FAM193B: variants seen among roughly 807,000 people sequenced by gnomAD.
The protein encoded by FAM193B is protein FAM193B.
FAM193B carries 27 observed loss-of-function variants against 70.7 expected under a neutral mutation model. The observed-to-expected ratio is 0.38, with a 90% CI of 0.28 to 0.53. FAM193B has a LOEUF of 0.53. Among genes scored for constraint, FAM193B ranks in the 20% least tolerant of loss-of-function variants. The pLI, the probability that FAM193B is intolerant of heterozygous loss-of-function variation, is 0.81. For synonymous variants in FAM193B, 448 were observed against 436.0 expected (o/e 1.03, Z -0.34); for missense variants, 1,022 against 1,072.5 (o/e 0.95, Z 0.66).
chr5:177,553,669 G>A (rs1268785190), intron 1 of FAM193B: 12 of 1,284,440 alleles, frequency 9.3e-6, no homozygotes, highest in Admixed American at 2.3e-5. Context: ...AGGTTCTGCT[G>A]GGTTTCCACC....
chr5:177,522,943 GACCTCAAGT>G (rs1385286697), intron 7 of FAM193B: 1 of 155,098 alleles, frequency 6.4e-6, no homozygotes, highest in African/African-American at 2.4e-5. Flanking sequence ...TAGAACTCCT[GACCTCAAGT>G]ACCTCAAGTG....
chr5:177,553,793 G>A, intron 1 of FAM193B: 2 of 1,286,980 alleles, frequency 1.6e-6, no homozygotes, highest in East Asian at 5.6e-5. Flanking sequence ...GGGGGCCGCG[G>A]CTGCAGGCGC....
chr5:177,545,110 C>A lies in FAM193B; in HGVS notation c.211-5963G>T, dbSNP rs558010891. On this transcript the variant is annotated intron_variant, in intron 1 of 8. Coordinates refer to ENST00000514747, the MANE Select transcript of FAM193B (RefSeq NM_001190946.3). ...CCAGGCTGGAGTGCAGTGGCATGAT[C>A]TCAGCTCACTGCAACCTCCACCTCC... Among the ~76,000 whole-genome samples the A allele has an allele frequency of 4.6e-5, 7 of 152,266 alleles. No individual in the cohort carries two copies. In the South Asian group the frequency reaches 1.5e-3, roughly 32 times the overall value.
chr5:177,547,853 G>A (rs963851851), intron 1 of FAM193B, among the ~76,000 whole-genome samples: 2 of 152,196 alleles, frequency 1.3e-5, no homozygotes, highest in Admixed American at 1.3e-4. Flanking sequence ...GAGAATGAAG[G>A]GGAGATGGAC....
chr5:177,537,233 A>G (rs1317178821), intron 3 of FAM193B, among the ~76,000 whole-genome samples: 1 of 152,180 alleles, frequency 6.6e-6, no homozygotes, highest in Non-Finnish European at 1.5e-5. Flanking sequence ...AAATTAATGG[A>G]ATTATATACT....
chr5:177,551,951 G>A, intron 1 of FAM193B: 1 of 859,394 alleles, frequency 1.2e-6, no homozygotes, highest in Non-Finnish European at 1.4e-6. Context: ...GTCAAAGTGG[G>A]GCATAACTAG....
rs927137705 is a variant in FAM193B, at chr5:177,524,746, G to A, written c.1735C>T (p.Pro579Ser). Reference protein sequence around the residue: ...EVRGPPPGIVPENGLVRRLNT... With the variant: ...EVRGPPPGIVSENGLVRRLNT... ...AGTCTCCTCACGAGCCCGTTCTCGG[G>A]GACGATACCGGGAGGGGGCCCCCTC... is the stretch of plus-strand genomic sequence containing the variant. The change falls in exon 6 of 9, where the codon CCC (proline) becomes TCC (serine). Residue 579 changes from proline to serine, a missense_variant. Physicochemically the swap from Pro to Ser is moderately conservative, Grantham distance 74. Transcript: ENST00000514747. 1.3e-6 allele frequency: 2 copies of A among 1,536,318 alleles called. No individual in the cohort carries two copies. The highest frequency in any genetic ancestry group is 2.1e-5 in the Admixed American group (1 of 48,276).
intron 4 of FAM193B, among the ~76,000 whole-genome samples, chr5:177,535,499 T>C (rs1483440771): frequency 1.3e-5 from 2 of 152,256 alleles, no homozygotes; most frequent in Admixed American, 6.5e-5. Context: ...CCTTTCTTAG[T>C]ACTTAAGAGT....
chr5:177,520,500 A>G (rs1046666301), intron 8 of FAM193B, among the ~76,000 whole-genome samples: 1 of 152,032 alleles, frequency 6.6e-6, no homozygotes, highest in African/African-American at 2.4e-5. Flanking sequence ...CTCTGACTGT[A>G]GGTGCACAGC....
At chr5:177,523,522 C>T (rs1357473448) in intron 7 of FAM193B, among the ~76,000 whole-genome samples, 1 of 152,162 alleles carries the variant, frequency 6.6e-6, no homozygotes, top group Non-Finnish European at 1.5e-5. Context: ...ACTTGGTTAC[C>T]ACCTCTCCTG....
In FAM193B at chr5:177,536,461, G is replaced by C. The variant is rs550308150; in HGVS notation, c.973C>G (p.Pro325Ala). 169 of 1,588,322 alleles carry C rather than the reference G, an allele frequency of 1.1e-4. No homozygotes were observed. The East Asian group carries it at 3.5e-3, about 33-fold the overall frequency. ...CAGGGGTGGCTGCACCCCGAGAATG[G>C]TGGGGGCATCTTCAGGAGCGGCATG... is the stretch of plus-strand genomic sequence containing the variant. Reference protein sequence around the residue: ...TSMPLLKMPPPFSGCSHPCSG... With the variant: ...TSMPLLKMPPAFSGCSHPCSG... Residue 325 changes from proline (P) to alanine (A), a missense_variant, in exon 4 of 9, where the codon CCA (proline) becomes GCA (alanine). Coordinates refer to ENST00000514747, the MANE Select transcript of FAM193B (RefSeq NM_001190946.3).
chr5:177,536,866 G>A (rs1581897531), intron 3 of FAM193B, 121 bp from the exon 4 acceptor site: 1 of 1,317,530 alleles, frequency 7.6e-7, no homozygotes, highest in East Asian at 2.7e-5. Flanking sequence ...TCTCAGCACA[G>A]GGGACCCTGG....
chr5:177,531,794 A>G (rs1455300301), intron 5 of FAM193B: 2 of 917,742 alleles, frequency 2.2e-6, no homozygotes, highest in African/African-American at 3.5e-5. Flanking sequence ...GGGAAGCTGT[A>G]TGACCTTGGG....
At position 177,554,243 on chromosome 5, in the gene FAM193B, T is replaced by G; in HGVS notation, c.210+6A>C. On this transcript the variant is annotated splice_donor_region_variant and intron_variant, in intron 1 of 8. Transcript: ENST00000514747. ...GAGCCGCCGAAGTCTCCCCGCTCGC[T>G]CCTACCTGCGGGCCGGGCACCAGGT... 6.7e-7 allele frequency: 1 copy of G among 1,482,012 alleles called. No individual in the cohort carries two copies. Among genetic ancestry groups the G allele is most frequent in the Non-Finnish European group, 8.9e-7 (1 of 1,120,062 alleles). 91.8% of individuals were successfully genotyped at this position (1,482,012 alleles called of 1,614,324 possible). A position where few individuals can be genotyped will look rare whatever the true frequency, so the allele number is the denominator to read the frequency against.
In FAM193B at chr5:177,523,946, C is replaced by T; in HGVS notation, c.2372+11G>A. Reference sequence around the variant, plus strand: ...CCTCCACAAGTGGGAGAGCAGGCAGCCCACACCTACCTCTTAAAGTACTCC... The same window carrying T: ...CCTCCACAAGTGGGAGAGCAGGCAGTCCACACCTACCTCTTAAAGTACTCC... On this transcript the variant is annotated intron_variant, in intron 7 of 8. Coordinates refer to ENST00000514747, the MANE Select transcript of FAM193B (RefSeq NM_001190946.3). 5 of 1,613,446 alleles carry T rather than the reference C, an allele frequency of 3.1e-6. No individual in the cohort carries two copies. Among genetic ancestry groups the T allele is most frequent in the Non-Finnish European group, 4.2e-6 (5 of 1,179,338 alleles).
intron 1 of FAM193B, among the ~76,000 whole-genome samples, chr5:177,552,895 TTC>T (rs1405402473): frequency 2.0e-5 from 3 of 152,214 alleles, no homozygotes; most frequent in Admixed American, 6.5e-5. Flanking sequence ...CCGATTCATT[TTC>T]TCTCTCATTC....
intron 5 of FAM193B, among the ~76,000 whole-genome samples, chr5:177,527,364 G>C (rs1762773873): frequency 1.3e-5 from 2 of 152,214 alleles, no homozygotes; most frequent in Admixed American, 1.3e-4. Flanking sequence ...TGTGCCCGAG[G>C]GCAATGTCCA....
Position 177,554,515 on chromosome 5 carries a change from G to GCCA in FAM193B, c.-58_-57insTGG. 1.1e-6 allele frequency: 1 copy of GCCA among 907,484 alleles called. No homozygotes were observed. The highest frequency in any genetic ancestry group is 1.3e-6 in the Non-Finnish European group (1 of 756,210). The allele number at this position is 907,484 out of a possible 1,614,324, so 56.2% of individuals were successfully genotyped here. A position where few individuals can be genotyped will look rare whatever the true frequency, so the allele number is the denominator to read the frequency against. ...CGCCGCCGCCGCCGCCGCCGCCGCCGCCGCCGCCGCCGCCGCTACCGCTCC... is the reference window on the plus strand; with the variant it reads ...CGCCGCCGCCGCCGCCGCCGCCGCCGCCACCGCCGCCGCCGCCGCTACCGCTCC... On this transcript the variant is annotated 5_prime_UTR_variant, in exon 1 of 9. Transcript: ENST00000514747.
chr5:177,544,945 T>G (rs1263707959), intron 1 of FAM193B, among the ~76,000 whole-genome samples: 4 of 152,186 alleles, frequency 2.6e-5, no homozygotes, highest in African/African-American at 9.7e-5. Flanking sequence ...ACCAAAACAA[T>G]GTATTGCAAA....
Sources: allele counts gnomAD v4.1 joint callset (sites outside exome capture counted in the v4.1 genomes callset), GRCh38; gene constraint gnomAD v4.1.1; transcripts MANE v1.5; gene names NCBI Gene and HGNC (gene_info 2026-07-23, HGNC 2026-07-21).